Variants in USP34 observed in about 807,000 individuals in gnomAD.
USP34 encodes the protein ubiquitin carboxyl-terminal hydrolase 34.
Under a neutral mutation model 460.3 loss-of-function variants are expected in USP34, and 70 were observed. That is an observed-to-expected ratio of 0.15 (90% CI 0.13 to 0.19). The LOEUF is 0.19. Ranked by LOEUF, USP34 falls within the 10% of genes least tolerant of loss-of-function variation. USP34 has a pLI of 1.00. For missense variants in USP34, 3,985 were observed against 4,236.2 expected (o/e 0.94, Z 1.65); for synonymous variants, 1,647 against 1,405.3 (o/e 1.17, Z -3.85).
intron 49 of USP34, among the ~76,000 whole-genome samples, chr2:61,247,547 T>C (rs986153087): frequency 3.3e-5 from 5 of 152,126 alleles, no homozygotes; most frequent in African/African-American, 1.2e-4. Context: ...TTTTTTCAAA[T>C]AGATGGAGTC....
chr2:61,295,101 A>G, intron 31 of USP34, 67 bp downstream of exon 31: 2 of 1,598,554 alleles, frequency 1.3e-6, no homozygotes, highest in Non-Finnish European at 1.7e-6. Context: ...GGAAAAGACA[A>G]TACATTATAG....
intron 2 of USP34, among the ~76,000 whole-genome samples, chr2:61,410,714 T>C (rs1317647710): frequency 6.6e-6 from 1 of 152,096 alleles, no homozygotes. Flanking sequence ...TAAAGAACAC[T>C]CTAGAAAAAC....
chr2:61,286,179 A>G (rs1215307218), intron 34 of USP34, among the ~76,000 whole-genome samples: 1 of 152,184 alleles, frequency 6.6e-6, no homozygotes, highest in Non-Finnish European at 1.5e-5. Flanking sequence ...GTAAACTCTT[A>G]AATAAGTTAG....
intron 5 of USP34, among the ~76,000 whole-genome samples, chr2:61,387,079 G>C (rs1693169866): frequency 6.6e-6 from 1 of 152,060 alleles, no homozygotes; most frequent in South Asian, 2.1e-4. Flanking sequence ...TTTTGCAAAT[G>C]GGCGAGAGAT....
intron 55 of USP34, 34 bp downstream of exon 55, chr2:61,236,127 T>G: frequency 6.3e-7 from 1 of 1,593,446 alleles, no homozygotes; most frequent in East Asian, 2.2e-5. Context: ...TAGTAAATTT[T>G]GACAGAATTA....
Position 61,437,236 on chromosome 2 carries a change from G to GA in USP34, c.44-16404dup, listed in dbSNP as rs1267082858. On this transcript the variant is annotated intron_variant, in intron 1 of 79. Coordinates refer to ENST00000398571, the MANE Select transcript of USP34 (RefSeq NM_014709.4). ...ACAAATTACAGGAGATCAAAGATCA[G>GA]AAAAAAGCTGGTCATTTGAAAAGAT... 8.5e-5 allele frequency among the ~76,000 whole-genome samples: 13 copies of GA among 152,100 alleles called. No homozygotes were observed. The East Asian group carries it at 1.7e-3, about 20-fold the overall frequency.
intron 75 of USP34, among the ~76,000 whole-genome samples, chr2:61,199,516 A>G (rs1292878354): frequency 6.6e-6 from 1 of 152,194 alleles, no homozygotes; most frequent in African/African-American, 2.4e-5. Flanking sequence ...TCGGCCTCCC[A>G]AAGTGCTGGG....
At chr2:61,263,535 G>A (rs1046506640) in intron 43 of USP34, among the ~76,000 whole-genome samples, 15 of 149,954 alleles carry the variant, frequency 1.0e-4, no homozygotes, top group Non-Finnish European at 3.0e-5. Context: ...AGGCTGCAGT[G>A]CATTGGCGCC....
intron 18 of USP34, among the ~76,000 whole-genome samples, chr2:61,337,921 T>TGAAAATAAAA (rs1462134570): frequency 1.3e-5 from 2 of 152,376 alleles, no homozygotes; most frequent in Non-Finnish European, 2.9e-5. Context: ...TTAAAATTTG[T>TGAAAATAAAA]GTTTTCACAA....
intron 1 of USP34, among the ~76,000 whole-genome samples, chr2:61,444,857 A>T (rs1695063402): frequency 6.6e-6 from 1 of 150,734 alleles, no homozygotes; most frequent in Non-Finnish European, 1.5e-5. Flanking sequence ...GTCTCTGTAC[A>T]GGGGAGCCTC....
intron 5 of USP34, among the ~76,000 whole-genome samples, chr2:61,386,232 T>G (rs1219615466): frequency 6.6e-6 from 1 of 152,036 alleles, no homozygotes; most frequent in Non-Finnish European, 1.5e-5. Flanking sequence ...GAGGCCAAGA[T>G]GGAAGGATCA....
intron 35 of USP34, among the ~76,000 whole-genome samples, chr2:61,284,645 T>G (rs1156796186): frequency 6.6e-6 from 1 of 152,122 alleles, no homozygotes; most frequent in African/African-American, 2.4e-5. Flanking sequence ...CAATTCAGTC[T>G]CAGAAGATTC....
chr2:61,269,651 A>G lies in USP34; in HGVS notation c.5434-3484T>C, dbSNP rs146681113. On this transcript the variant is annotated intron_variant, in intron 41 of 79. Transcript: ENST00000398571. ...CACCTAGGTTTTTCAAGATTAAGAA[A>G]TATGTCAACAATAAAAGTTTAAAGA... Among the ~76,000 whole-genome samples, 534 of 152,256 alleles carry G rather than the reference A, an allele frequency of 3.5e-3. 2 individuals carry two copies. The highest frequency in any genetic ancestry group is 0.011 in the African/African-American group (441 of 41,546).
At chr2:61,338,138 A>G (rs930294466) in intron 18 of USP34, among the ~76,000 whole-genome samples, 5 of 152,186 alleles carry the variant, frequency 3.3e-5, no homozygotes, top group Non-Finnish European at 5.9e-5. Flanking sequence ...CCTGGCCAAC[A>G]TGGTGAAACT....
chr2:61,382,727 T>C (rs942315613), intron 6 of USP34, among the ~76,000 whole-genome samples: 2 of 152,214 alleles, frequency 1.3e-5, no homozygotes, highest in Non-Finnish European at 2.9e-5. Flanking sequence ...TCCATCTTCT[T>C]AGGCTTCCTT....
chr2:61,214,065 G>C lies in USP34; in HGVS notation c.8677C>G (p.Pro2893Ala). The change falls in exon 68 of 80, where the codon CCT becomes GCT. Residue 2893 changes from proline to alanine, a missense_variant. Around this residue, in one of 14 missense-constraint regions of USP34, gnomAD observed 275 missense variants for 292.7 expected, o/e 0.94. Transcript: ENST00000398571. ...KNLTPHASQY[P>A]GAVEELFNLM... ...AGAGTATCAATTTTACTCACTCCAG[G>C]GTATTGGCTGGCATGTGGTGTAAGA... The C allele has an allele frequency of 4.3e-6, 7 of 1,614,166 alleles. No homozygotes were observed. Among genetic ancestry groups the C allele is most frequent in the Non-Finnish European group, 5.9e-6 (7 of 1,180,020 alleles).
chr2:61,300,348 C>T (rs1282226338), intron 29 of USP34, among the ~76,000 whole-genome samples: 5 of 151,890 alleles, frequency 3.3e-5, no homozygotes, highest in African/African-American at 1.2e-4. Context: ...GGCACCATGC[C>T]CAGCTAATTT....
Position 61,348,805 on chromosome 2 carries a change from T to C in USP34, c.1625A>G (p.Gln542Arg). The change falls in exon 14 of 80, where the codon CAA becomes CGA. Residue 542 changes from glutamine (Q) to arginine (R), a missense_variant. Physicochemically the swap from Gln to Arg is conservative, Grantham distance 43. Transcript: ENST00000398571. ...CACATGTTTGGTTCTATTAATAAGT[T>C]GCTCATCCATTTCAATGTCACTACC... ...SGGSDIEMDE[Q>R]LINRTKHVQQ... The C allele has an allele frequency of 6.2e-7, 1 of 1,613,936 alleles. No homozygotes were observed. The highest frequency in any genetic ancestry group is 8.5e-7 in the Non-Finnish European group (1 of 1,179,902).
intron 39 of USP34, among the ~76,000 whole-genome samples, chr2:61,279,801 G>A (rs1015913446): frequency 6.6e-6 from 1 of 152,154 alleles, no homozygotes; most frequent in Non-Finnish European, 1.5e-5. Flanking sequence ...TTGTTTGAAT[G>A]GAAATGTCAT....
Sources: allele counts gnomAD v4.1 joint callset (sites outside exome capture counted in the v4.1 genomes callset), GRCh38; gene constraint gnomAD v4.1.1; regional missense constraint gnomAD v4.1.1; transcripts MANE v1.5; gene names NCBI Gene and HGNC (gene_info 2026-07-23, HGNC 2026-07-21).